Variants in NPFFR1 observed in about 807,000 individuals in gnomAD.
The protein encoded by NPFFR1 is G-protein coupled receptor 147.
Under a neutral mutation model 12.7 loss-of-function variants are expected in NPFFR1, and 17 were observed. That is an observed-to-expected ratio of 1.34 (90% CI 0.92 to 2.01). NPFFR1 has a LOEUF of 2.01. Ranked by LOEUF, NPFFR1 falls within the 30% of genes most tolerant of loss-of-function variation. The pLI, the probability that NPFFR1 is intolerant of heterozygous loss-of-function variation, is 0.00. For missense variants in NPFFR1, 604 were observed against 606.5 expected (o/e 1.00, Z 0.04); for synonymous variants, 296 against 264.5 (o/e 1.12, Z -1.16).
intron 1 of NPFFR1, among the ~76,000 whole-genome samples, chr10:70,267,071 T>C (rs533697042): frequency 6.6e-6 from 1 of 152,358 alleles, no homozygotes; most frequent in East Asian, 1.9e-4. Context: ...AAACCCTTTC[T>C]GAGTGCACCA....
intron 1 of NPFFR1, among the ~76,000 whole-genome samples, chr10:70,280,624 A>G (rs1437702482): frequency 6.6e-6 from 1 of 152,112 alleles, no homozygotes; most frequent in African/African-American, 2.4e-5. Context: ...ATTTGTTCTT[A>G]GTGAGTACTA....
intron 3 of NPFFR1, among the ~76,000 whole-genome samples, chr10:70,257,658 G>T (rs982350650): frequency 4.6e-5 from 7 of 152,244 alleles, no homozygotes; most frequent in Non-Finnish European, 8.8e-5. Context: ...CTGTGCTGAG[G>T]TGGATTAGTA....
Position 70,248,755 on chromosome 10 carries a change from G to A in NPFFR1, c.*6202C>T, listed in dbSNP as rs2136786154. On this transcript the variant is annotated 3_prime_UTR_variant, in exon 4 of 4. Transcript: ENST00000277942. ...CCCACCTCGGCCTCCCAAAGTGCTG[G>A]GATTACAGGCATGAGCCCCCATGCC... 6.6e-6 allele frequency: 1 copy of A among 150,980 alleles called. No homozygotes were observed. The highest frequency in any genetic ancestry group is 2.1e-4 in the South Asian group (1 of 4,756). The allele number at this position is 150,980 out of a possible 1,614,324, so 9.4% of individuals were successfully genotyped here. A position where few individuals can be genotyped will look rare whatever the true frequency, so the allele number is the denominator to read the frequency against.
In NPFFR1 at chr10:70,275,243, G is replaced by A. The variant is rs143842504; in HGVS notation, c.7+8427C>T. 5.5e-3 allele frequency among the ~76,000 whole-genome samples: 838 copies of A among 152,204 alleles called. 8 individuals are homozygous for A. The highest frequency in any genetic ancestry group is 0.027 in the South Asian group (129 of 4,816). ...TCCTTACTTCCTGCAGGAGGTCTCCGGTTTTACCCATCAAAAATTGTATTC... is the reference window on the plus strand; with the variant it reads ...TCCTTACTTCCTGCAGGAGGTCTCCAGTTTTACCCATCAAAAATTGTATTC... On this transcript the variant is annotated intron_variant, in intron 1 of 3. Coordinates refer to ENST00000277942, the MANE Select transcript of NPFFR1 (RefSeq NM_022146.5).
intron 1 of NPFFR1, among the ~76,000 whole-genome samples, chr10:70,270,537 C>T (rs1840735801): frequency 6.6e-6 from 1 of 152,244 alleles, no homozygotes; most frequent in Admixed American, 6.5e-5. Flanking sequence ...GAAGTCTGTC[C>T]TGAGAAGTAT....
At chr10:70,257,249 T>C (rs1309781580) in intron 3 of NPFFR1, among the ~76,000 whole-genome samples, 1 of 152,010 alleles carries the variant, frequency 6.6e-6, no homozygotes, top group Non-Finnish European at 1.5e-5. Flanking sequence ...AGGGAAGACA[T>C]AAGAGACTCC....
At chr10:70,269,547 G>A (rs1282398012) in intron 1 of NPFFR1, among the ~76,000 whole-genome samples, 6 of 145,938 alleles carry the variant, frequency 4.1e-5, no homozygotes, top group Non-Finnish European at 1.5e-5. Context: ...GTCTTGATCT[G>A]TTGCCCAGAC....
At chr10:70,279,079 C>T (rs958448) in intron 1 of NPFFR1, among the ~76,000 whole-genome samples, 37,169 of 152,080 alleles carry the variant, frequency 0.24, 5,642 homozygotes, top group South Asian at 0.43. Flanking sequence ...ACATATCCAT[C>T]AAATACTTAA....
chr10:70,261,587 C>A (rs1840634340), intron 2 of NPFFR1, among the ~76,000 whole-genome samples: 1 of 152,188 alleles, frequency 6.6e-6, no homozygotes. Flanking sequence ...TTTCCATGAG[C>A]TTTAGACCGT....
At chr10:70,272,211 GGAAAGAAA>G (rs1554833493) in intron 1 of NPFFR1, among the ~76,000 whole-genome samples, 1 of 55,822 alleles carries the variant, frequency 1.8e-5, no homozygotes, top group African/African-American at 7.9e-5. Flanking sequence ...AAGAAAGAAA[GGAAAGAAA>G]GAAAGAAAGA....
rs1840888285 is a variant in NPFFR1 at position 70,283,926 on chromosome 10, G to A, written c.-250C>T. On this transcript the variant is annotated 5_prime_UTR_variant, in exon 1 of 4. Transcript: ENST00000277942. ...GCAGCGCTGCTGCCCGCAGGGCTCAGCCGCCCGCCGCCCCTCGCCTCCCGA... is the reference window on the plus strand; with the variant it reads ...GCAGCGCTGCTGCCCGCAGGGCTCAACCGCCCGCCGCCCCTCGCCTCCCGA... Among the ~76,000 whole-genome samples, 1 of 152,128 alleles carries A rather than the reference G, an allele frequency of 6.6e-6. No homozygotes were observed. The highest frequency in any genetic ancestry group is 2.4e-5 in the African/African-American group (1 of 41,434).
chr10:70,263,071 G>A (rs1840650756), intron 2 of NPFFR1, among the ~76,000 whole-genome samples: 2 of 152,118 alleles, frequency 1.3e-5, no homozygotes, highest in Admixed American at 6.5e-5. Context: ...GGAGGCTGAG[G>A]TGGGAAGATC....
rs1024683339 is a variant in NPFFR1 at position 70,266,046 on chromosome 10, G to A, written c.322+31C>T. ...TGAGAAGTTGAAGTGGGGGGTAGGG[G>A]ACACTCCTGCTGCCAACTGCCCGCA... On this transcript the variant is annotated intron_variant, in intron 2 of 3. Coordinates refer to ENST00000277942, the MANE Select transcript of NPFFR1 (RefSeq NM_022146.5). 10 of 1,593,410 alleles carry A rather than the reference G, an allele frequency of 6.3e-6. No homozygotes were observed. In the East Asian group the frequency reaches 2.0e-4, roughly 32 times the overall value.
Position 70,254,536 on chromosome 10 carries a change from A to G in NPFFR1, c.*421T>C, listed in dbSNP as rs958134173. The G allele has an allele frequency of 8.4e-5, 14 of 166,938 alleles. No homozygotes were observed. Among genetic ancestry groups the G allele is most frequent in the Non-Finnish European group, 2.5e-5 (2 of 78,558 alleles). 10.3% of individuals were successfully genotyped at this position (166,938 alleles called of 1,614,324 possible). On this transcript the variant is annotated 3_prime_UTR_variant, in exon 4 of 4. Coordinates refer to ENST00000277942, the MANE Select transcript of NPFFR1 (RefSeq NM_022146.5). ...TACTCAGTTCACAGTGTTCTACCTT[A>G]CCGGGCCCTCTTGGAGCCAGCTGGA...
chr10:70,274,611 A>G (rs1840782602), intron 1 of NPFFR1, among the ~76,000 whole-genome samples: 1 of 152,208 alleles, frequency 6.6e-6, no homozygotes, highest in Non-Finnish European at 1.5e-5. Context: ...CTAAGCCCCC[A>G]TGCCACCTCT....
chr10:70,262,247 G>A (rs1178061881), intron 2 of NPFFR1, among the ~76,000 whole-genome samples: 1 of 152,158 alleles, frequency 6.6e-6, no homozygotes, highest in Non-Finnish European at 1.5e-5. Flanking sequence ...TATGGTTGGG[G>A]AGGGGGGACC....
chr10:70,274,959 G>T (rs900838153), intron 1 of NPFFR1, among the ~76,000 whole-genome samples: 11 of 152,134 alleles, frequency 7.2e-5, no homozygotes, highest in Admixed American at 7.2e-4. Context: ...GAGGAAGGAG[G>T]CCTCTTGAGA....
At position 70,252,925 on chromosome 10, in the gene NPFFR1, C is replaced by T. The variant is rs1319523366; in HGVS notation, c.*2032G>A. 3 of 152,132 alleles carry T rather than the reference C, an allele frequency of 2.0e-5. No individual in the cohort carries two copies. The highest frequency in any genetic ancestry group is 2.0e-4 in the Admixed American group (3 of 15,278). The allele number at this position is 152,132 out of a possible 1,614,324, so 9.4% of individuals were successfully genotyped here. A position where few individuals can be genotyped will look rare whatever the true frequency, so the allele number is the denominator to read the frequency against. On this transcript the variant is annotated 3_prime_UTR_variant, in exon 4 of 4. Transcript: ENST00000277942. Reference sequence around the variant, plus strand: ...GGAGACACCAGGTGGTGTCTTCAGACAATTCCCACCCAGCCATAGGGATAG... The same window carrying T: ...GGAGACACCAGGTGGTGTCTTCAGATAATTCCCACCCAGCCATAGGGATAG...
Position 70,252,513 on chromosome 10 carries a change from C to G in NPFFR1, c.*2444G>C, listed in dbSNP as rs1281699134. 1.3e-5 allele frequency: 2 copies of G among 152,118 alleles called. No individual in the cohort carries two copies. Among genetic ancestry groups the G allele is most frequent in the African/African-American group, 4.8e-5 (2 of 41,432 alleles). 9.4% of individuals were successfully genotyped at this position (152,118 alleles called of 1,614,324 possible). ...CCAGTCCTGTACACTTAAAAATGGC[C>G]AAAATGGTAAATTCTATATTATTTA... On this transcript the variant is annotated 3_prime_UTR_variant, in exon 4 of 4. Coordinates refer to ENST00000277942, the MANE Select transcript of NPFFR1 (RefSeq NM_022146.5).
Sources: gnomAD v4.1 joint callset for allele counts (sites outside exome capture counted in the v4.1 genomes callset) on GRCh38, gnomAD v4.1.1 for gene constraint, MANE v1.5 for transcripts, NCBI Gene and HGNC (gene_info 2026-07-23, HGNC 2026-07-21) for gene names.